LGR5: variants seen among roughly 807,000 people sequenced by gnomAD.
LGR5 encodes the protein leucine-rich repeat-containing G protein-coupled receptor 5.
A neutral mutation model predicts 76.7 loss-of-function variants in LGR5; 54 were observed. That is an observed-to-expected ratio of 0.70 (90% CI 0.57 to 0.88). The LOEUF (loss-of-function observed/expected upper bound fraction) is 0.88, where lower values mean the gene tolerates loss of function less well. Among genes scored for constraint, LGR5 ranks in the 40% least tolerant of loss-of-function variants. LGR5 has a pLI of 0.00. For missense variants in LGR5, 1,078 were observed against 1,073.3 expected (o/e 1.00, Z -0.06); for synonymous variants, 406 against 421.9 (o/e 0.96, Z 0.46).
At chr12:71,482,181 G>A (rs984548683) in intron 1 of LGR5, among the ~76,000 whole-genome samples, 3 of 152,204 alleles carry the variant, frequency 2.0e-5, no homozygotes, top group African/African-American at 7.2e-5. Flanking sequence ...TACCAGTCCA[G>A]TGATTCTCAA....
At position 71,571,542 on chromosome 12, in the gene LGR5, T is replaced by C. The variant is rs768053790; in HGVS notation, c.1099T>C (p.Leu367=). 5 of 1,613,238 alleles carry C rather than the reference T, an allele frequency of 3.1e-6. No homozygotes were observed. The highest frequency in any genetic ancestry group is 1.7e-4 in the Middle Eastern group (1 of 6,054). The change falls in exon 12 of 18, where the codon TTA becomes CTA. Residue 367 remains leucine (L), a synonymous_variant. Coordinates refer to ENST00000266674, the MANE Select transcript of LGR5 (RefSeq NM_003667.4). ...LDLSYNLLED[L]PSFSVCQKLQ... is the part of the protein sequence containing the mutation. ...TCTGTCTTACAACCTATTAGAAGAT[T>C]TACCCAGTTTTTCAGTCTGCCAAAA...
intron 8 of LGR5, among the ~76,000 whole-genome samples, chr12:71,563,999 C>T (rs1394969748): frequency 8.1e-5 from 3 of 36,982 alleles, no homozygotes; most frequent in African/African-American, 1.7e-4. Context: ...TGCATATATA[C>T]GTATCTGTAC....
At chr12:71,453,123 C>T (rs568796099) in intron 1 of LGR5, among the ~76,000 whole-genome samples, 2 of 152,254 alleles carry the variant, frequency 1.3e-5, no homozygotes, top group South Asian at 4.1e-4. Context: ...AGCAGAAAGG[C>T]ACCTACTAGG....
chr12:71,538,479 A>G (rs1367019243), intron 4 of LGR5, among the ~76,000 whole-genome samples: 1 of 151,916 alleles, frequency 6.6e-6, no homozygotes, highest in Non-Finnish European at 1.5e-5. Context: ...TGATCATGCC[A>G]CTGCACTCTC....
chr12:71,492,223 T>C (rs1053501015), intron 1 of LGR5, among the ~76,000 whole-genome samples: 1 of 152,070 alleles, frequency 6.6e-6, no homozygotes, highest in East Asian at 1.9e-4. Context: ...AACAAAGCAG[T>C]TTAGGTTCAG....
Position 71,556,608 on chromosome 12 carries a change from T to C in LGR5, c.645-11T>C. On this transcript the variant is annotated splice_polypyrimidine_tract_variant and intron_variant, in intron 5 of 17. Transcript: ENST00000266674. ...TGTGCCTTCCTAACTATCTGTAATGTTCTACTGCAGACATCTCCATAACAA... is the reference window on the plus strand; with the variant it reads ...TGTGCCTTCCTAACTATCTGTAATGCTCTACTGCAGACATCTCCATAACAA... The C allele has an allele frequency of 6.3e-7, 1 of 1,581,402 alleles. No homozygotes were observed. The highest frequency in any genetic ancestry group is 8.7e-7 in the Non-Finnish European group (1 of 1,150,202).
chr12:71,568,244 G>A (rs1196693717), intron 11 of LGR5, among the ~76,000 whole-genome samples: 1 of 152,174 alleles, frequency 6.6e-6, no homozygotes, highest in African/African-American at 2.4e-5. Context: ...GACTTTAAAA[G>A]CAAAGGCTGT....
intron 1 of LGR5, among the ~76,000 whole-genome samples, chr12:71,491,111 C>T (rs1874052179): frequency 6.6e-6 from 1 of 152,192 alleles, no homozygotes; most frequent in African/African-American, 2.4e-5. Context: ...CATGCCTTTG[C>T]TCCTCCTTTG....
intron 1 of LGR5, among the ~76,000 whole-genome samples, chr12:71,451,117 A>G (rs7977080): frequency 0.06 from 9,151 of 152,272 alleles, 953 homozygotes; most frequent in African/African-American, 0.21. Flanking sequence ...GATTCTGGCA[A>G]TGCCATGTGG....
intron 1 of LGR5, among the ~76,000 whole-genome samples, chr12:71,484,273 ACAGT>A (rs1873734258): frequency 6.6e-6 from 1 of 152,212 alleles, no homozygotes; most frequent in Non-Finnish European, 1.5e-5. Context: ...TAATAATGGT[ACAGT>A]CCTTTAGAGT....
At chr12:71,489,772 G>C (rs1661396421) in intron 1 of LGR5, among the ~76,000 whole-genome samples, 1 of 152,110 alleles carries the variant, frequency 6.6e-6, no homozygotes. Flanking sequence ...CTGTGTAAAT[G>C]TTAACTTAGG....
chr12:71,575,604 G>A (rs368667264), intron 13 of LGR5, among the ~76,000 whole-genome samples: 8 of 152,056 alleles, frequency 5.3e-5, no homozygotes, highest in African/African-American at 9.7e-5. Flanking sequence ...CCAGCTACTC[G>A]GGAGGCTGAG....
intron 1 of LGR5, among the ~76,000 whole-genome samples, chr12:71,491,489 G>C (rs1874071195): frequency 6.6e-6 from 1 of 151,882 alleles, no homozygotes; most frequent in African/African-American, 2.4e-5. Context: ...TTTTTCCATG[G>C]AGGCTTTATG....
chr12:71,472,944 G>A (rs1182716190), intron 1 of LGR5, among the ~76,000 whole-genome samples: 1 of 152,300 alleles, frequency 6.6e-6, no homozygotes, highest in East Asian at 1.9e-4. Context: ...GTGGATAGTA[G>A]AATTCACTTG....
chr12:71,571,500 C>A lies in LGR5; in HGVS notation c.1071-14C>A. ...TGTAACAGATTTTCCCTTTTTGCACCTTCTGTTTTTCAGAGATCTGTCTTA... is the reference window on the plus strand; with the variant it reads ...TGTAACAGATTTTCCCTTTTTGCACATTCTGTTTTTCAGAGATCTGTCTTA... On this transcript the variant is annotated splice_polypyrimidine_tract_variant and intron_variant, in intron 11 of 17. Transcript: ENST00000266674. 1 of 1,591,750 alleles carries A rather than the reference C, an allele frequency of 6.3e-7. No homozygotes were observed. The highest frequency in any genetic ancestry group is 1.1e-5 in the South Asian group (1 of 87,722).
intron 15 of LGR5, among the ~76,000 whole-genome samples, chr12:71,579,966 T>C (rs1879021092): frequency 6.6e-6 from 1 of 152,250 alleles, no homozygotes; most frequent in Non-Finnish European, 1.5e-5. Context: ...ATAAGCACTT[T>C]TTCATGTTGC....
intron 1 of LGR5, among the ~76,000 whole-genome samples, chr12:71,486,025 A>G (rs751597043): frequency 1.2e-4 from 19 of 152,132 alleles, no homozygotes; most frequent in Non-Finnish European, 2.8e-4. Flanking sequence ...TGGCCTCCCA[A>G]AGTGCTGGGA....
intron 11 of LGR5, among the ~76,000 whole-genome samples, chr12:71,571,081 AGCTCCTGCTAT>A: frequency 6.6e-6 from 1 of 152,256 alleles, no homozygotes; most frequent in East Asian, 1.9e-4. Flanking sequence ...TTGATTTCAA[AGCTCCTGCTAT>A]GTTTTGAATT....
intron 1 of LGR5, among the ~76,000 whole-genome samples, chr12:71,490,363 T>G (rs1179943839): frequency 6.6e-6 from 1 of 152,216 alleles, no homozygotes; most frequent in Non-Finnish European, 1.5e-5. Context: ...GACTATCTAA[T>G]AGAATCTCCC....
Sources: allele counts gnomAD v4.1 joint callset (sites outside exome capture counted in the v4.1 genomes callset), GRCh38; gene constraint gnomAD v4.1.1; transcripts MANE v1.5; gene names NCBI Gene and HGNC (gene_info 2026-07-23, HGNC 2026-07-21).